Variants in TMEM116 observed in about 807,000 individuals in gnomAD.
The protein encoded by TMEM116 is transmembrane protein 116.
Under a neutral mutation model 44.3 loss-of-function variants are expected in TMEM116, and 38 were observed. The observed-to-expected ratio is 0.86, with a 90% confidence interval of 0.66 to 1.12. The LOEUF is 1.12. Ranked by LOEUF, TMEM116 falls within the 50% of genes most tolerant of loss-of-function variation. The pLI is 0.00. For missense variants in TMEM116, 354 were observed against 401.7 expected (o/e 0.88, Z 1.01); for synonymous variants, 132 against 144.8 (o/e 0.91, Z 0.64).
intron 4 of TMEM116, among the ~76,000 whole-genome samples, chr12:111,946,789 T>C (rs191930092): frequency 6.8e-4 from 103 of 152,340 alleles, no homozygotes; most frequent in South Asian, 6.0e-3. Context: ...CAGTATCTGA[T>C]TAAAACCCAT....
intron 4 of TMEM116, among the ~76,000 whole-genome samples, chr12:111,966,307 A>G (rs2074980183): frequency 6.6e-6 from 1 of 152,088 alleles, no homozygotes; most frequent in African/African-American, 2.4e-5. Context: ...CTCCATCTCA[A>G]AAAAAAACAA....
At chr12:112,004,288 ATT>A (rs76506669) in intron 2 of TMEM116, among the ~76,000 whole-genome samples, 5 of 141,564 alleles carry the variant, frequency 3.5e-5, no homozygotes, top group Non-Finnish European at 3.1e-5. Context: ...CCCTGCACAT[ATT>A]TTTTTTTTTT....
chr12:111,962,918 T>G (rs1197592177), intron 4 of TMEM116, among the ~76,000 whole-genome samples: 2 of 152,208 alleles, frequency 1.3e-5, no homozygotes, highest in Non-Finnish European at 2.9e-5. Context: ...TCTATCCATC[T>G]GACAAAGGGC....
intron 4 of TMEM116, among the ~76,000 whole-genome samples, chr12:111,966,343 A>C (rs1031718758): frequency 6.6e-6 from 1 of 152,196 alleles, no homozygotes; most frequent in Non-Finnish European, 1.5e-5. Context: ...GTGGTACCAG[A>C]CTTAAGGTGA....
At chr12:111,960,440 C>T (rs1338798210) in intron 4 of TMEM116, among the ~76,000 whole-genome samples, 1 of 139,080 alleles carries the variant, frequency 7.2e-6, no homozygotes, top group African/African-American at 2.7e-5. Flanking sequence ...TGCAGTGAGC[C>T]GAGATTGCAC....
chr12:111,962,242 C>A (rs926466284), intron 4 of TMEM116, among the ~76,000 whole-genome samples: 1 of 152,036 alleles, frequency 6.6e-6, no homozygotes, highest in African/African-American at 2.4e-5. Flanking sequence ...CCATACTGCC[C>A]AAAGTAATTA....
chr12:111,997,721 A>G (rs2077007082), intron 3 of TMEM116, among the ~76,000 whole-genome samples: 1 of 152,112 alleles, frequency 6.6e-6, no homozygotes, highest in South Asian at 2.1e-4. Flanking sequence ...AAACCAGAAA[A>G]AGAGGTAAGA....
chr12:111,984,873 T>C (rs190110874), intron 4 of TMEM116, among the ~76,000 whole-genome samples: 2 of 152,230 alleles, frequency 1.3e-5, no homozygotes, highest in Admixed American at 1.3e-4. Context: ...TTTATAGTCT[T>C]CCTCCACCAA....
chr12:111,993,895 G>T, intron 3 of TMEM116: 1 of 728,450 alleles, frequency 1.4e-6, no homozygotes, highest in South Asian at 1.4e-5. Context: ...CCAGAGACTT[G>T]GATTTAAAGG....
chr12:111,940,308 T>C (rs1166709206), intron 5 of TMEM116, among the ~76,000 whole-genome samples: 1 of 150,664 alleles, frequency 6.6e-6, no homozygotes, highest in Non-Finnish European at 1.5e-5. Flanking sequence ...ATATTTTCCC[T>C]TCTTCATATA....
chr12:111,949,205 A>C (rs530603981), intron 4 of TMEM116, among the ~76,000 whole-genome samples: 1 of 152,316 alleles, frequency 6.6e-6, no homozygotes, highest in South Asian at 2.1e-4. Context: ...ATTTGATAAA[A>C]TATGCTTTTA....
In TMEM116 at chr12:111,959,438, C is replaced by G. The variant is rs1209278810; in HGVS notation, c.211-16069G>C. On this transcript the variant is annotated intron_variant, in intron 4 of 10. Coordinates refer to ENST00000552374, the MANE Select transcript of TMEM116 (RefSeq NM_001193531.2). ...CGACACTACGAAGAAACTGCTTCAA[C>G]TAATGGGTAAAATAACCAGCTAGCA... Among the ~76,000 whole-genome samples the G allele has an allele frequency of 2.6e-5, 4 of 152,178 alleles. No individual in the cohort carries two copies. In the South Asian group the frequency reaches 8.3e-4, roughly 32 times the overall value.
intron 4 of TMEM116, among the ~76,000 whole-genome samples, chr12:111,944,368 G>T (rs531174711): frequency 1.3e-5 from 2 of 152,142 alleles, no homozygotes; most frequent in South Asian, 4.2e-4. Context: ...TGGTAAGAGC[G>T]AGTATAGGAG....
chr12:111,936,893 G>T, intron 7 of TMEM116, 63 bp from the exon 8 acceptor site: 1 of 1,489,056 alleles, frequency 6.7e-7, no homozygotes, highest in South Asian at 1.3e-5. Context: ...TGCTCAACAA[G>T]ACTTAATAAG....
At chr12:111,990,968 C>T (rs554505734) in intron 4 of TMEM116, among the ~76,000 whole-genome samples, 12 of 152,198 alleles carry the variant, frequency 7.9e-5, no homozygotes, top group African/African-American at 2.6e-4. Flanking sequence ...CACCTGTAAT[C>T]CCAGCACTTT....
At chr12:111,961,340 C>T (rs1178041660) in intron 4 of TMEM116, among the ~76,000 whole-genome samples, 1 of 152,176 alleles carries the variant, frequency 6.6e-6, no homozygotes, top group Non-Finnish European at 1.5e-5. Context: ...CAGCATCATC[C>T]TGATACCAAA....
chr12:111,994,965 T>C (rs1208184544), intron 3 of TMEM116, among the ~76,000 whole-genome samples: 1 of 152,174 alleles, frequency 6.6e-6, no homozygotes, highest in Non-Finnish European at 1.5e-5. Flanking sequence ...TTCCCAGAGC[T>C]ATGAACATCT....
chr12:111,942,927 C>T (rs1420015017), intron 5 of TMEM116, among the ~76,000 whole-genome samples: 3 of 151,688 alleles, frequency 2.0e-5, no homozygotes, highest in African/African-American at 4.8e-5. Flanking sequence ...ATGCTTACAC[C>T]GTTTATCAGG....
At chr12:111,945,742 T>G (rs1486622171) in intron 4 of TMEM116, among the ~76,000 whole-genome samples, 1 of 152,202 alleles carries the variant, frequency 6.6e-6, no homozygotes, top group Non-Finnish European at 1.5e-5. Flanking sequence ...ATGAGAACCT[T>G]CTGCTTAATC....
Sources: gnomAD v4.1 joint callset for allele counts (sites outside exome capture counted in the v4.1 genomes callset) on GRCh38, gnomAD v4.1.1 for gene constraint, MANE v1.5 for transcripts, NCBI Gene and HGNC (gene_info 2026-07-23, HGNC 2026-07-21) for gene names.